Variants in STK32B observed in about 807,000 individuals in gnomAD.
STK32B encodes the protein serine/threonine-protein kinase 32B.
A neutral mutation model predicts 52.6 loss-of-function variants in STK32B; 43 were observed. The observed-to-expected ratio is 0.82, with a 90% CI of 0.64 to 1.05. The LOEUF (loss-of-function observed/expected upper bound fraction) is 1.05. Ranked by LOEUF, STK32B falls within the 50% of genes least tolerant of loss-of-function variation. The probability of loss-of-function intolerance (pLI) is 0.00; values close to 1 mark genes in which losing one functional copy is unlikely to be tolerated. For missense variants in STK32B, 621 were observed against 534.6 expected (o/e 1.16, Z -1.59); for synonymous variants, 238 against 204.3 (o/e 1.17, Z -1.41).
intron 4 of STK32B, among the ~76,000 whole-genome samples, chr4:5,338,138 G>A (rs1374198219): frequency 2.6e-5 from 4 of 152,202 alleles, no homozygotes; most frequent in African/African-American, 9.6e-5. Context: ...AAATGTGTTT[G>A]TAAAAGAAAG....
intron 1 of STK32B, among the ~76,000 whole-genome samples, chr4:5,113,653 C>G (rs1399590262): frequency 6.6e-6 from 1 of 152,200 alleles, no homozygotes; most frequent in Non-Finnish European, 1.5e-5. Flanking sequence ...CTGTAGGGTT[C>G]AACTTTGCCC....
At chr4:5,075,751 T>TG (rs1435756310) in intron 1 of STK32B, among the ~76,000 whole-genome samples, 3 of 152,088 alleles carry the variant, frequency 2.0e-5, no homozygotes, top group Admixed American at 2.0e-4. Context: ...AGAACAGGTT[T>TG]TTTTCTTTAT....
intron 2 of STK32B, among the ~76,000 whole-genome samples, chr4:5,156,678 T>G (rs1156575948): frequency 6.6e-6 from 1 of 152,182 alleles, no homozygotes; most frequent in Non-Finnish European, 1.5e-5. Context: ...GCCCTCTGCT[T>G]GAAGAGCTGC....
intron 6 of STK32B, among the ~76,000 whole-genome samples, chr4:5,423,560 A>T (rs1712821992): frequency 6.6e-6 from 1 of 152,208 alleles, no homozygotes; most frequent in African/African-American, 2.4e-5. Context: ...TTCGATAATT[A>T]TTTAGTGTAT....
chr4:5,216,655 A>AG (rs1344821908), intron 3 of STK32B, among the ~76,000 whole-genome samples: 3 of 152,172 alleles, frequency 2.0e-5, no homozygotes, highest in Non-Finnish European at 4.4e-5. Flanking sequence ...AGTCTGTACA[A>AG]GGCACAGAAA....
chr4:5,124,084 T>A (rs1209149061), intron 1 of STK32B, among the ~76,000 whole-genome samples: 1 of 152,016 alleles, frequency 6.6e-6, no homozygotes, highest in Non-Finnish European at 1.5e-5. Context: ...AAAAAGTAGG[T>A]CTCTCATGCC....
Position 5,453,474 on chromosome 4 carries a change from C to A in STK32B, c.667-3333C>A, listed in dbSNP as rs1303412331. Among the ~76,000 whole-genome samples the A allele has an allele frequency of 6.6e-6, 1 of 152,166 alleles. No individual in the cohort carries two copies. The highest frequency in any genetic ancestry group is 1.5e-5 in the Non-Finnish European group (1 of 68,034). On this transcript the variant is annotated intron_variant, in intron 7 of 11. Coordinates refer to ENST00000282908, the MANE Select transcript of STK32B (RefSeq NM_018401.3). The surrounding 1 kb of genome is among the most constrained non-coding windows in gnomAD (Gnocchi z 4.0). Reference sequence around the variant, plus strand: ...CTTTTCATCTCCCAGCCTCAGTTTCCTGACGTTTGAAATGAGGGATGAAGT... The same window carrying A: ...CTTTTCATCTCCCAGCCTCAGTTTCATGACGTTTGAAATGAGGGATGAAGT...
chr4:5,488,478 A>G (rs1719416196), intron 11 of STK32B, among the ~76,000 whole-genome samples: 2 of 152,154 alleles, frequency 1.3e-5, no homozygotes, highest in Non-Finnish European at 2.9e-5. Context: ...TGTATTTTGA[A>G]TGTCAAAACT....
intron 3 of STK32B, among the ~76,000 whole-genome samples, chr4:5,184,868 A>C (rs1301522146): frequency 6.6e-6 from 1 of 152,190 alleles, no homozygotes; most frequent in African/African-American, 2.4e-5. Flanking sequence ...GTTGCCGTGC[A>C]CCTCCACTTT....
At chr4:5,145,701 T>C (rs1716858605) in intron 2 of STK32B, among the ~76,000 whole-genome samples, 1 of 152,230 alleles carries the variant, frequency 6.6e-6, no homozygotes, top group Non-Finnish European at 1.5e-5. Flanking sequence ...GTTTAAAAAA[T>C]GGGTTGTTTG....
chr4:5,156,538 G>C (rs1419671166), intron 2 of STK32B, among the ~76,000 whole-genome samples: 1 of 152,146 alleles, frequency 6.6e-6, no homozygotes, highest in African/African-American at 2.4e-5. Context: ...AGCGTCCACG[G>C]TGAAGTGCTC....
At chr4:5,120,531 T>A (rs986086024) in intron 1 of STK32B, among the ~76,000 whole-genome samples, 1 of 152,172 alleles carries the variant, frequency 6.6e-6, no homozygotes, top group Non-Finnish European at 1.5e-5. Context: ...AGGTATGTTA[T>A]AGGAAAAAAA....
At chr4:5,493,169 T>C (rs1719895396) in intron 11 of STK32B, among the ~76,000 whole-genome samples, 1 of 151,974 alleles carries the variant, frequency 6.6e-6, no homozygotes, top group South Asian at 2.1e-4. Context: ...AGTTCCTCCT[T>C]GTACCTCTGA....
Position 5,317,072 on chromosome 4 carries a change from T to A in STK32B, c.261-14148T>A, listed in dbSNP as rs867204670. Among the ~76,000 whole-genome samples the A allele has an allele frequency of 5.6e-4, 17 of 30,628 alleles. 2 individuals carry two copies. Among genetic ancestry groups the A allele is most frequent in the African/African-American group, 2.1e-3 (5 of 2,438 alleles). 20.1% of individuals were successfully genotyped at this position (30,628 alleles called of 152,430 possible). Reference sequence around the variant, plus strand: ...ATATAATATATATGATATAATATATTATATATTATATATATAATATATATG... The same window carrying A: ...ATATAATATATATGATATAATATATAATATATTATATATATAATATATATG... On this transcript the variant is annotated intron_variant, in intron 3 of 11. Transcript: ENST00000282908.
At chr4:5,155,395 C>A (rs549344454) in intron 2 of STK32B, among the ~76,000 whole-genome samples, 38 of 152,198 alleles carry the variant, frequency 2.5e-4, no homozygotes, top group Non-Finnish European at 4.1e-4. Flanking sequence ...TCCTCTTGTT[C>A]GCTGTTTTAT....
rs11942773 is a variant in STK32B, at chr4:5,076,856, C to G, written c.52+24941C>G. Among the ~76,000 whole-genome samples the G allele has an allele frequency of 3.8e-3, 575 of 152,176 alleles. 3 individuals carry two copies. The highest frequency in any genetic ancestry group is 0.013 in the African/African-American group (555 of 41,532). On this transcript the variant is annotated intron_variant, in intron 1 of 11. Transcript: ENST00000282908. ...CTTTTTTTTATAACTAAGTCTGGAT[C>G]AAAAGAGAAATATTTATTCCATCAT...
chr4:5,261,124 C>T (rs566139013), intron 3 of STK32B, among the ~76,000 whole-genome samples: 2 of 152,152 alleles, frequency 1.3e-5, no homozygotes, highest in South Asian at 2.1e-4. Context: ...AGCTGGGGGG[C>T]GAGCCTGCAG....
intron 3 of STK32B, among the ~76,000 whole-genome samples, chr4:5,249,419 T>C (rs1254005297): frequency 6.6e-6 from 1 of 151,226 alleles, no homozygotes; most frequent in African/African-American, 2.4e-5. Flanking sequence ...CCTGCCTGTC[T>C]GTTCTTCCTT....
At chr4:5,035,875 G>A in the STK32B span, among the ~76,000 whole-genome samples, 8 of 150,662 alleles carry the variant, frequency 5.3e-5, no homozygotes, top group Non-Finnish European at 7.4e-5. Context: ...TCTGCCTCCC[G>A]GGTTCAAGTG....
Sources: gnomAD v4.1 joint callset for allele counts (sites outside exome capture counted in the v4.1 genomes callset) on GRCh38, gnomAD v4.1.1 for gene constraint, Gnocchi (gnomAD v3.1) non-coding constraint, MANE v1.5 for transcripts, NCBI Gene and HGNC (gene_info 2026-07-23, HGNC 2026-07-21) for gene names.